JAZF1: variants seen among roughly 807,000 people sequenced by gnomAD.
JAZF1 encodes the protein JAZF zinc finger 1.
A neutral mutation model predicts 26.4 loss-of-function variants in JAZF1; 8 were observed. That is an observed-to-expected ratio of 0.30 (90% CI 0.18 to 0.55). JAZF1 has a LOEUF of 0.55. Ranked by LOEUF, JAZF1 falls within the 20% of genes least tolerant of loss-of-function variation. The pLI is 0.94. For synonymous variants in JAZF1, 126 were observed against 122.3 expected (o/e 1.03, Z -0.20); for missense variants, 199 against 322.0 (o/e 0.62, Z 2.92).
At chr7:28,164,487 A>G (rs1583593991) in intron 1 of JAZF1, among the ~76,000 whole-genome samples, 2 of 152,372 alleles carry the variant, frequency 1.3e-5, no homozygotes, top group East Asian at 1.9e-4. Flanking sequence ...TAAAATACAG[A>G]TAACAGGTCC....
At chr7:28,061,995 G>A (rs1783804182) in intron 1 of JAZF1, among the ~76,000 whole-genome samples, 1 of 152,152 alleles carries the variant, frequency 6.6e-6, no homozygotes, top group African/African-American at 2.4e-5. Context: ...GGACGGAGTG[G>A]GGAAACCCAG....
At chr7:28,042,053 T>A (rs1250410790) in intron 1 of JAZF1, among the ~76,000 whole-genome samples, 1 of 152,210 alleles carries the variant, frequency 6.6e-6, no homozygotes, top group Non-Finnish European at 1.5e-5. Flanking sequence ...GCAGCCCTCT[T>A]GGGGAAGCAC....
intron 1 of JAZF1, among the ~76,000 whole-genome samples, chr7:28,054,341 T>C (rs1471799828): frequency 1.3e-5 from 2 of 152,198 alleles, no homozygotes; most frequent in African/African-American, 4.8e-5. Context: ...CAATCCCAGT[T>C]GTCCTTTATA....
chr7:28,160,367 C>A (rs1293703997), intron 1 of JAZF1, among the ~76,000 whole-genome samples: 1 of 152,128 alleles, frequency 6.6e-6, no homozygotes, highest in East Asian at 1.9e-4. Flanking sequence ...ATATGACATA[C>A]TTTTGTTTCT....
In JAZF1 at chr7:27,996,212, CT is replaced by C. The variant is rs1281748086; in HGVS notation, c.116-4232del. Among the ~76,000 whole-genome samples, 3 of 152,312 alleles carry C rather than the reference CT, an allele frequency of 2.0e-5. No individual in the cohort carries two copies. The East Asian group carries it at 5.8e-4, about 29-fold the overall frequency. ...CTTTAGCTGGTCTACATTTTATAAC[CT>C]GGATTACTTATAATGTAAGAAAGTC... On this transcript the variant is annotated intron_variant, in intron 1 of 4. Coordinates refer to ENST00000283928, the MANE Select transcript of JAZF1 (RefSeq NM_175061.4).
At chr7:28,121,169 CAGA>C (rs763419003) in intron 1 of JAZF1, among the ~76,000 whole-genome samples, 1 of 121,094 alleles carries the variant, frequency 8.3e-6, no homozygotes, top group Non-Finnish European at 1.6e-5. Flanking sequence ...TACCGCACAA[CAGA>C]AGGAGACTGT....
In JAZF1 at chr7:27,831,527, TTACTC is replaced by T. The variant is rs1782699755; in HGVS notation, c.*1268_*1272del. On this transcript the variant is annotated 3_prime_UTR_variant, in exon 5 of 5. Transcript: ENST00000283928. Reference sequence around the variant, plus strand: ...ACTTAAGGAATGGTCCAGATGTAGATTACTCTAATAGGTCGTATTAGTCATGCTTT... The same window carrying T: ...ACTTAAGGAATGGTCCAGATGTAGATTAATAGGTCGTATTAGTCATGCTTT... The T allele has an allele frequency of 4.4e-6, 1 of 228,588 alleles. No homozygotes were observed. The highest frequency in any genetic ancestry group is 8.7e-6 in the Non-Finnish European group (1 of 114,818). 14.2% of individuals were successfully genotyped at this position (228,588 alleles called of 1,614,324 possible).
chr7:27,942,987 A>C (rs1186361117), intron 2 of JAZF1, among the ~76,000 whole-genome samples: 1 of 152,184 alleles, frequency 6.6e-6, no homozygotes, highest in Non-Finnish European at 1.5e-5. Context: ...ATGGGGCACA[A>C]ACCTCCTCTG....
In JAZF1 at chr7:27,978,923, G is replaced by C. The variant is rs140828963; in HGVS notation, c.188+12986C>G. On this transcript the variant is annotated intron_variant, in intron 2 of 4. Coordinates refer to ENST00000283928, the MANE Select transcript of JAZF1 (RefSeq NM_175061.4). ...GGGGGGAGAAAGGCAGGGGAGAGGG[G>C]GAGAGAGAGAGGGACAGTGTGAGAG... 1.1e-3 allele frequency among the ~76,000 whole-genome samples: 166 copies of C among 151,038 alleles called. 1 individual carries two copies. The highest frequency in any genetic ancestry group is 3.9e-3 in the African/African-American group (162 of 41,102).
intron 3 of JAZF1, among the ~76,000 whole-genome samples, chr7:27,850,498 T>C (rs1425735786): frequency 2.6e-5 from 4 of 152,222 alleles, no homozygotes; most frequent in Non-Finnish European, 5.9e-5. Flanking sequence ...GATTCATCTC[T>C]GGTATTTGGA....
At chr7:27,833,115 G>T in intron 4 of JAZF1, 139 bp from the exon 5 acceptor site, 2 of 573,048 alleles carry the variant, frequency 3.5e-6, no homozygotes, top group Non-Finnish European at 5.9e-6. Flanking sequence ...CTCCAGTTGG[G>T]ACCCTTCAAG....
At chr7:27,846,610 C>T (rs1055847336) in intron 3 of JAZF1, 3 of 464,212 alleles carry the variant, frequency 6.5e-6, no homozygotes, top group Admixed American at 4.8e-5. Context: ...TTTGCTAACA[C>T]TTGTTATTAC....
At chr7:27,889,598 G>A (rs1210364190) in intron 3 of JAZF1, among the ~76,000 whole-genome samples, 1 of 152,138 alleles carries the variant, frequency 6.6e-6, no homozygotes, top group African/African-American at 2.4e-5. Context: ...TCATATTAAG[G>A]TAGTTAACCA....
At chr7:27,972,421 G>C (rs980676424) in intron 2 of JAZF1, among the ~76,000 whole-genome samples, 23 of 152,172 alleles carry the variant, frequency 1.5e-4, no homozygotes, top group African/African-American at 5.5e-4. Context: ...AACTCTTTTA[G>C]GGGAAGGAGG....
chr7:27,879,522 GAGTT>G (rs1264950671), intron 3 of JAZF1, among the ~76,000 whole-genome samples: 1 of 152,148 alleles, frequency 6.6e-6, no homozygotes, highest in Non-Finnish European at 1.5e-5. Context: ...GATACTTAAT[GAGTT>G]AGTATCATTT....
At chr7:28,134,916 C>T (rs954863547) in intron 1 of JAZF1, among the ~76,000 whole-genome samples, 3 of 152,104 alleles carry the variant, frequency 2.0e-5, no homozygotes, top group African/African-American at 7.2e-5. Context: ...TTCCTGCTAC[C>T]TCCCGAATGC....
chr7:27,885,609 T>C (rs181619484), intron 3 of JAZF1, among the ~76,000 whole-genome samples: 232 of 152,360 alleles, frequency 1.5e-3, no homozygotes, highest in African/African-American at 5.2e-3. Flanking sequence ...TTCTGATTGT[T>C]GTCGCAATTT....
chr7:28,167,695 G>GC (rs1783390604), intron 1 of JAZF1, among the ~76,000 whole-genome samples: 1 of 152,122 alleles, frequency 6.6e-6, no homozygotes, highest in African/African-American at 2.4e-5. Flanking sequence ...CAGTGGTCCT[G>GC]CTTTTTTTCC....
At chr7:28,037,550 C>T (rs137972935) in intron 1 of JAZF1, among the ~76,000 whole-genome samples, 3 of 152,150 alleles carry the variant, frequency 2.0e-5, no homozygotes, top group Non-Finnish European at 4.4e-5. Context: ...ACTAGCTGTG[C>T]GGCTTTGAAC....
Sources: allele counts gnomAD v4.1 joint callset (sites outside exome capture counted in the v4.1 genomes callset), GRCh38; gene constraint gnomAD v4.1.1; transcripts MANE v1.5; gene names NCBI Gene and HGNC (gene_info 2026-07-23, HGNC 2026-07-21).